The following IL12RB2 variants were observed in gnomAD, a reference collection of about 807,000 sequenced individuals.
IL12RB2 encodes the protein interleukin-12 receptor subunit beta-2.
IL12RB2 carries 82 observed loss-of-function variants against 89.4 expected under a neutral mutation model. The ratio of observed to expected loss-of-function variants is 0.92; its 90% confidence interval spans 0.77 to 1.10. IL12RB2 has a LOEUF of 1.10. Ranked by LOEUF, IL12RB2 falls within the 50% of genes least tolerant of loss-of-function variation. The pLI is 0.00. For missense variants in IL12RB2, 963 were observed against 1,031.9 expected (o/e 0.93, Z 0.92); for synonymous variants, 368 against 370.1 (o/e 0.99, Z 0.07).
Position 67,380,125 on chromosome 1 carries a change from T to C in IL12RB2, c.1855+2T>C. The C allele has an allele frequency of 6.2e-7, 1 of 1,614,072 alleles. No homozygotes were observed. The highest frequency in any genetic ancestry group is 8.5e-7 in the Non-Finnish European group (1 of 1,179,988). ...ATGAGAGGGAATTTTGTCTGCAAGG[T>C]GAGAGGCAGTGTTAAGGATGATGAG... On this transcript the variant is annotated splice_donor_variant, in intron 14 of 16. Transcript: ENST00000674203. LOFTEE classifies it high-confidence loss of function.
Position 67,317,945 on chromosome 1 carries a change from G to A in IL12RB2, c.-36-2388G>A, listed in dbSNP as rs548324371. ...ATTGTGCCATGAAGACAGTAATAAG[G>A]TGATGAGTAAAAAATCAACTGGGGA... On this transcript the variant is annotated intron_variant, in intron 2 of 16. Coordinates refer to ENST00000674203, the MANE Select transcript of IL12RB2 (RefSeq NM_001374259.2). Among the ~76,000 whole-genome samples, 51 of 152,286 alleles carry A rather than the reference G, an allele frequency of 3.3e-4. No individual in the cohort carries two copies. In the South Asian group the frequency reaches 9.3e-3, roughly 28 times the overall value.
chr1:67,375,847 CTT>C (rs1211630762), intron 13 of IL12RB2, among the ~76,000 whole-genome samples: 36 of 135,952 alleles, frequency 2.6e-4, no homozygotes, highest in Non-Finnish European at 2.9e-4. Context: ...TTTTCTTTTT[CTT>C]TTTTTTTTTT....
At chr1:67,370,334 A>G (rs2101000154) in intron 11 of IL12RB2, among the ~76,000 whole-genome samples, 1 of 152,182 alleles carries the variant, frequency 6.6e-6, no homozygotes, top group South Asian at 2.1e-4. Context: ...TAGGCTAGAG[A>G]CCAGTCCTGT....
At position 67,351,233 on chromosome 1, in the gene IL12RB2, T is replaced by C. The variant is rs921451818; in HGVS notation, c.1258+144T>C. 1.1e-5 allele frequency: 16 copies of C among 1,407,720 alleles called. No homozygotes were observed. In the African/African-American group the frequency reaches 2.0e-4, roughly 18 times the overall value. 87.2% of individuals were successfully genotyped at this position (1,407,720 alleles called of 1,614,324 possible). On this transcript the variant is annotated intron_variant, in intron 10 of 16. Transcript: ENST00000674203. ...CAACAGCTTTCAGAGGCTTTTTTTT[T>C]CTTTTCCAATCAGCCTATGAGTAGC...
At position 67,321,845 on chromosome 1, in the gene IL12RB2, A is replaced by G; in HGVS notation, c.320A>G (p.Asn107Ser). 6.2e-7 allele frequency: 1 copy of G among 1,614,034 alleles called. No homozygotes were observed. Among genetic ancestry groups the G allele is most frequent in the Non-Finnish European group, 8.5e-7 (1 of 1,179,880 alleles). ...TTTGTCTGCAAACTGGCCTGTATCA[A>G]TAGTGATGAAATTCAAATATGTGGA... ...TLFVCKLACI[N>S]SDEIQICGAE... Residue 107 changes from asparagine to serine, a missense_variant, in exon 4 of 17, where the codon AAT becomes AGT. Transcript: ENST00000674203.
chr1:67,390,350 C>T (rs182066597), intron 16 of IL12RB2, among the ~76,000 whole-genome samples: 86 of 152,198 alleles, frequency 5.7e-4, no homozygotes, highest in Admixed American at 1.2e-3. Context: ...AAGACTAAAA[C>T]CCCCTAGCTT....
intron 4 of IL12RB2, among the ~76,000 whole-genome samples, chr1:67,324,776 G>A (rs981113047): frequency 3.3e-5 from 5 of 152,212 alleles, no homozygotes; most frequent in Non-Finnish European, 7.3e-5. Flanking sequence ...TCCTTATCTA[G>A]GACAGTGGCA....
At chr1:67,349,829 T>A (rs1438709487) in intron 9 of IL12RB2, among the ~76,000 whole-genome samples, 1 of 152,208 alleles carries the variant, frequency 6.6e-6, no homozygotes, top group Non-Finnish European at 1.5e-5. Flanking sequence ...TGCTAATTGT[T>A]TCAGAAGCCA....
At position 67,329,660 on chromosome 1, in the gene IL12RB2, G is replaced by C. The variant is rs1657795990; in HGVS notation, c.738G>C (p.Trp246Cys). 6.3e-7 allele frequency: 1 copy of C among 1,583,808 alleles called. No individual in the cohort carries two copies. Among genetic ancestry groups the C allele is most frequent in the South Asian group, 1.1e-5 (1 of 90,512 alleles). Reference protein sequence around the residue: ...KASVSRCTLYWRDEGLVLLNR... With the variant: ...KASVSRCTLYCRDEGLVLLNR... Reference sequence around the variant, plus strand: ...CTGTGAGCAGATGTACCCTTTATTGGAGAGATGAGGGACTGGTACTGCTTA... The same window carrying C: ...CTGTGAGCAGATGTACCCTTTATTGCAGAGATGAGGGACTGGTACTGCTTA... The change falls in exon 7 of 17, where the codon TGG becomes TGC. Residue 246 changes from tryptophan to cysteine, a missense_variant. By Grantham distance (215) the Trp-to-Cys change is radical. Transcript: ENST00000674203.
chr1:67,314,805 C>G (rs941562746), intron 2 of IL12RB2, among the ~76,000 whole-genome samples: 1 of 152,200 alleles, frequency 6.6e-6, no homozygotes, highest in Non-Finnish European at 1.5e-5. Flanking sequence ...TCCTACCGGT[C>G]GGTGTATTTC....
At chr1:67,387,416 T>A (rs1262824835) in intron 15 of IL12RB2, among the ~76,000 whole-genome samples, 1 of 151,768 alleles carries the variant, frequency 6.6e-6, no homozygotes, top group Non-Finnish European at 1.5e-5. Flanking sequence ...TTAAATAGTA[T>A]GGCAGGCCGG....
chr1:67,388,342 T>C (rs1665445991), intron 15 of IL12RB2, among the ~76,000 whole-genome samples: 1 of 152,084 alleles, frequency 6.6e-6, no homozygotes, highest in South Asian at 2.1e-4. Flanking sequence ...TAAACCACAA[T>C]ATTTTTGTTT....
At chr1:67,312,635 A>G (rs1020313543) in intron 1 of IL12RB2, among the ~76,000 whole-genome samples, 7 of 152,068 alleles carry the variant, frequency 4.6e-5, no homozygotes, top group African/African-American at 1.7e-4. Flanking sequence ...TCCAGAAAAA[A>G]TAGGAAAAGA....
chr1:67,330,809 A>T lies in IL12RB2; in HGVS notation c.957A>T (p.Glu319Asp), dbSNP rs766165878. 6.5e-7 allele frequency: 1 copy of T among 1,538,046 alleles called. No individual in the cohort carries two copies. Among genetic ancestry groups the T allele is most frequent in the Non-Finnish European group, 9.0e-7 (1 of 1,110,784 alleles). Reference sequence around the variant, plus strand: ...CATTGAGAGCACAAACACCAGAAGAAGGTATATGTCCAAAATATACATACC... The same window carrying T: ...CATTGAGAGCACAAACACCAGAAGATGGTATATGTCCAAAATATACATACC... ...SESLRAQTPEEEPTGMLDVWY... is the reference protein window; with the variant it reads ...SESLRAQTPEDEPTGMLDVWY... Residue 319 changes from glutamate to aspartate, a missense_variant and splice_region_variant, in exon 8 of 17, where the codon GAA becomes GAT. Coordinates refer to ENST00000674203, the MANE Select transcript of IL12RB2 (RefSeq NM_001374259.2).
At chr1:67,390,812 G>A (rs1665731592) in intron 16 of IL12RB2, among the ~76,000 whole-genome samples, 1 of 152,124 alleles carries the variant, frequency 6.6e-6, no homozygotes, top group African/African-American at 2.4e-5. Context: ...TTTAAGGGGA[G>A]AAATAGGAGA....
At chr1:67,355,512 C>T (rs1027786953) in intron 10 of IL12RB2, among the ~76,000 whole-genome samples, 5 of 151,126 alleles carry the variant, frequency 3.3e-5, no homozygotes, top group Non-Finnish European at 5.9e-5. Flanking sequence ...AGCCCTTCTA[C>T]TCAAGACCTC....
chr1:67,382,563 T>C (rs1664715390), intron 14 of IL12RB2, among the ~76,000 whole-genome samples: 1 of 152,224 alleles, frequency 6.6e-6, no homozygotes, highest in African/African-American at 2.4e-5. Context: ...GCATTCATTA[T>C]GGAGCAAGAC....
In IL12RB2 at chr1:67,341,505, AG is replaced by A. The variant is rs1234834714; in HGVS notation, c.1038+2803del. Among the ~76,000 whole-genome samples the A allele has an allele frequency of 1.8e-4, 24 of 133,304 alleles. 1 individual carries two copies. Among genetic ancestry groups the A allele is most frequent in the South Asian group, 1.1e-3 (4 of 3,600 alleles). 87.5% of individuals were successfully genotyped at this position (133,304 alleles called of 152,430 possible). On this transcript the variant is annotated intron_variant, in intron 9 of 16. Transcript: ENST00000674203. ...AAGAGAAAATAGAGAAAGAGAAAGA[AG>A]AAAGAAGGAAAGAAAAAAGAAAGAG...
At chr1:67,360,058 G>T (rs922231323) in intron 10 of IL12RB2, among the ~76,000 whole-genome samples, 1 of 152,084 alleles carries the variant, frequency 6.6e-6, no homozygotes, top group Non-Finnish European at 1.5e-5. Flanking sequence ...AATCTCCACT[G>T]GGGATCAGTC....
Sources: allele counts gnomAD v4.1 joint callset (sites outside exome capture counted in the v4.1 genomes callset), GRCh38; gene constraint gnomAD v4.1.1; transcripts MANE v1.5; gene names NCBI Gene and HGNC (gene_info 2026-07-23, HGNC 2026-07-21).